The following CRIM1 variants were observed in gnomAD, a reference collection of about 807,000 sequenced individuals.
CRIM1 encodes the protein cysteine rich transmembrane BMP regulator 1.
CRIM1 carries 32 observed loss-of-function variants against 116.4 expected under a neutral mutation model. That is an observed-to-expected ratio of 0.27 (90% CI 0.21 to 0.37). CRIM1 has a LOEUF of 0.37. CRIM1 is among the 10% of genes least tolerant of loss of function. The pLI is 1.00. For synonymous variants in CRIM1, 590 were observed against 509.2 expected (o/e 1.16, Z -2.13); for missense variants, 1,331 against 1,354.8 (o/e 0.98, Z 0.28).
At chr2:36,545,323 C>G (rs900562158) in intron 15 of CRIM1, among the ~76,000 whole-genome samples, 4 of 152,112 alleles carry the variant, frequency 2.6e-5, no homozygotes, top group Non-Finnish European at 2.9e-5. Flanking sequence ...GTTTTTGGCT[C>G]TCTGTATAAT....
intron 1 of CRIM1, among the ~76,000 whole-genome samples, chr2:36,359,882 C>T (rs896355373): frequency 6.6e-6 from 1 of 152,140 alleles, no homozygotes; most frequent in African/African-American, 2.4e-5. Flanking sequence ...TTCCATTCGT[C>T]TGCTAAGACC....
intron 15 of CRIM1, among the ~76,000 whole-genome samples, chr2:36,545,789 T>G (rs141874415): frequency 5.3e-4 from 81 of 152,306 alleles, no homozygotes; most frequent in African/African-American, 1.8e-3. Context: ...ATGACACATA[T>G]TCCTAAAACT....
chr2:36,371,670 A>G (rs1008840900), intron 1 of CRIM1, among the ~76,000 whole-genome samples: 1 of 152,182 alleles, frequency 6.6e-6, no homozygotes, highest in African/African-American at 2.4e-5. Flanking sequence ...TTTTTTGGCA[A>G]ATATTTAAAG....
chr2:36,360,355 G>C (rs115565670), intron 1 of CRIM1, among the ~76,000 whole-genome samples: 2 of 152,168 alleles, frequency 1.3e-5, no homozygotes. Context: ...GATCAGATAA[G>C]CACCAATTTT....
chr2:36,403,821 CTGTT>C (rs959261114), intron 2 of CRIM1, among the ~76,000 whole-genome samples: 8 of 151,958 alleles, frequency 5.3e-5, no homozygotes, highest in South Asian at 2.1e-4. Context: ...GGTAGGTACT[CTGTT>C]TGGTTATGTT....
At chr2:36,538,266 A>G (rs565712539) in intron 14 of CRIM1, among the ~76,000 whole-genome samples, 4 of 151,986 alleles carry the variant, frequency 2.6e-5, no homozygotes, top group Admixed American at 6.6e-5. Flanking sequence ...TCTCCTGCCA[A>G]ACAATTCCTC....
chr2:36,427,145 G>A (rs993370317), intron 2 of CRIM1, among the ~76,000 whole-genome samples: 18 of 151,722 alleles, frequency 1.2e-4, no homozygotes, highest in African/African-American at 4.1e-4. Context: ...ATGTTGCAGT[G>A]AGCCGAGATC....
Position 36,543,614 on chromosome 2 carries a change from T to C in CRIM1, c.2624-762T>C, listed in dbSNP as rs140657764. On this transcript the variant is annotated intron_variant, in intron 14 of 16. Coordinates refer to ENST00000280527, the MANE Select transcript of CRIM1 (RefSeq NM_016441.3). ...TTCTGAAGAATTAATTGCTTTAAAA[T>C]GTGGGGCTAGTTGTCGTTAGCTGGA... Among the ~76,000 whole-genome samples the C allele has an allele frequency of 4.8e-3, 736 of 152,224 alleles. 6 individuals are homozygous for C. Among genetic ancestry groups the C allele is most frequent in the African/African-American group, 0.017 (697 of 41,520 alleles).
chr2:36,439,138 A>G (rs1675572798), intron 2 of CRIM1, among the ~76,000 whole-genome samples: 2 of 152,338 alleles, frequency 1.3e-5, no homozygotes, highest in African/African-American at 2.4e-5. Flanking sequence ...GTGGTATTCT[A>G]TCCAACAGGA....
chr2:36,461,482 G>A (rs146874151), intron 4 of CRIM1, among the ~76,000 whole-genome samples: 48 of 152,324 alleles, frequency 3.2e-4, no homozygotes, highest in Admixed American at 1.5e-3. Context: ...TGACTCAGTA[G>A]AGGAAAATCT....
intron 4 of CRIM1, among the ~76,000 whole-genome samples, chr2:36,449,847 T>C (rs1344729466): frequency 6.7e-6 from 1 of 148,180 alleles, no homozygotes; most frequent in Non-Finnish European, 1.5e-5. Flanking sequence ...AAAAGAATTA[T>C]GGGTTTTTTC....
intron 2 of CRIM1, among the ~76,000 whole-genome samples, chr2:36,439,115 C>G (rs953125688): frequency 1.3e-5 from 2 of 152,166 alleles, no homozygotes; most frequent in African/African-American, 4.8e-5. Context: ...GAGTGAGGCA[C>G]AGGTGCCATG....
intron 1 of CRIM1, among the ~76,000 whole-genome samples, chr2:36,371,375 C>T (rs1669933992): frequency 6.6e-6 from 1 of 152,030 alleles, no homozygotes; most frequent in Admixed American, 6.6e-5. Context: ...TATTTGAGTG[C>T]CAGGATTGTG....
chr2:36,363,661 T>C (rs1006556921), intron 1 of CRIM1, among the ~76,000 whole-genome samples: 2 of 150,356 alleles, frequency 1.3e-5, no homozygotes, highest in African/African-American at 5.0e-5. Context: ...TAACCATTTA[T>C]CTGTGAACAA....
At chr2:36,470,410 T>A (rs1378463261) in intron 5 of CRIM1, among the ~76,000 whole-genome samples, 1 of 152,156 alleles carries the variant, frequency 6.6e-6, no homozygotes, top group East Asian at 1.9e-4. Flanking sequence ...GGGACTTTCA[T>A]AACAAGAGAG....
At chr2:36,448,804 G>C (rs1371376082) in intron 4 of CRIM1, among the ~76,000 whole-genome samples, 3 of 152,154 alleles carry the variant, frequency 2.0e-5, no homozygotes, top group African/African-American at 7.2e-5. Context: ...AATAAATTAA[G>C]TCATTGTTTA....
chr2:36,423,425 C>T (rs1674217893), intron 2 of CRIM1, among the ~76,000 whole-genome samples: 1 of 152,346 alleles, frequency 6.6e-6, no homozygotes, highest in Admixed American at 6.5e-5. Context: ...ACCGTATCCA[C>T]TTTACAATGT....
rs899264013 is a variant in CRIM1, at chr2:36,376,353, C to T, written c.331+19730C>T. On this transcript the variant is annotated intron_variant, in intron 1 of 16. Transcript: ENST00000280527. ...GCTCTACAGTAGATAGTGAAGCCTC[C>T]GTGACCTGTGTAAGCTGCAGGTTGA... 3.3e-5 allele frequency among the ~76,000 whole-genome samples: 5 copies of T among 152,316 alleles called. No homozygotes were observed. In the East Asian group the frequency reaches 5.8e-4, roughly 18 times the overall value.
At chr2:36,464,395 C>G in intron 4 of CRIM1, 139 bp from the exon 5 acceptor site, 1 of 827,874 alleles carries the variant, frequency 1.2e-6, no homozygotes, top group East Asian at 2.5e-5. Flanking sequence ...CTTCCCATTT[C>G]CCAGTGACAC....
Sources: gnomAD v4.1 joint callset for allele counts (sites outside exome capture counted in the v4.1 genomes callset) on GRCh38, gnomAD v4.1.1 for gene constraint, MANE v1.5 for transcripts, NCBI Gene and HGNC (gene_info 2026-07-23, HGNC 2026-07-21) for gene names.